Variants in IPO13 observed in about 807,000 individuals in gnomAD.
IPO13 encodes importin 13.
A neutral mutation model predicts 115.5 loss-of-function variants in IPO13; 28 were observed. The ratio of observed to expected loss-of-function variants is 0.24; its 90% CI spans 0.18 to 0.33. IPO13 has a LOEUF of 0.33. Ranked by LOEUF, IPO13 falls within the 10% of genes least tolerant of loss-of-function variation. IPO13 has a pLI of 1.00. For missense variants in IPO13, 785 were observed against 1,204.6 expected, an observed-to-expected ratio of 0.65 and a Z score of 5.16; for synonymous variants, 414 against 478.9, an observed-to-expected ratio of 0.86 and a Z score of 1.77.
In IPO13 at chr1:43,949,626, T is replaced by A; in HGVS notation, c.294T>A (p.Tyr98Ter). The A allele has an allele frequency of 6.2e-7, 1 of 1,614,220 alleles. No homozygotes were observed. The highest frequency in any genetic ancestry group is 8.5e-7 in the Non-Finnish European group (1 of 1,180,046). ...GGAGTGACATCCCCACTGACCAGTA[T>A]GAAAGCCTAAAGGCACAGCTCTTCA... ...RYWSDIPTDQYESLKAQLFTQ... is the reference protein window; with the variant it reads ...RYWSDIPTDQ The change falls in exon 2 of 20, where the codon TAT becomes TAA. Residue 98 changes from tyrosine to a stop codon, truncating the protein, a stop_gained. Coordinates refer to ENST00000372343, the MANE Select transcript of IPO13 (RefSeq NM_014652.4). LOFTEE classifies it high-confidence loss of function.
chr1:43,947,098 A>G lies in IPO13; in HGVS notation c.-503A>G, dbSNP rs2154301969. 2 of 398,918 alleles carry G rather than the reference A, an allele frequency of 5.0e-6. No homozygotes were observed. The highest frequency in any genetic ancestry group is 3.6e-5 in the East Asian group (1 of 28,076). 24.7% of individuals were successfully genotyped at this position (398,918 alleles called of 1,614,324 possible). ...CTTCGCCCTAGACTAGCGGAGCTGCATCTCCGCGCTTCGTTGGACGCCTCC... is the reference window on the plus strand; with the variant it reads ...CTTCGCCCTAGACTAGCGGAGCTGCGTCTCCGCGCTTCGTTGGACGCCTCC... On this transcript the variant is annotated 5_prime_UTR_variant, in exon 1 of 20. Transcript: ENST00000372343.
Position 43,966,401 on chromosome 1 carries a change from T to C in IPO13, c.2398-174T>C. ...GTACATAGCATCCCTTGAGCTGTCCTCACCTGACCTACTGAACTCTGAGGT... is the reference window on the plus strand; with the variant it reads ...GTACATAGCATCCCTTGAGCTGTCCCCACCTGACCTACTGAACTCTGAGGT... On this transcript the variant is annotated intron_variant, in intron 15 of 19. Transcript: ENST00000372343. The surrounding 1 kb of genome is among the most constrained non-coding windows in gnomAD (Gnocchi z 4.1). 2 of 666,948 alleles carry C rather than the reference T, an allele frequency of 3.0e-6. No homozygotes were observed. Among genetic ancestry groups the C allele is most frequent in the East Asian group, 2.7e-5 (1 of 36,996 alleles). The allele number at this position is 666,948 out of a possible 1,614,324, so 41.3% of individuals were successfully genotyped here.
chr1:43,950,983 T>C (rs958035231), intron 2 of IPO13, among the ~76,000 whole-genome samples: 2 of 151,990 alleles, frequency 1.3e-5, no homozygotes, highest in Admixed American at 6.5e-5. Context: ...GCTCGGCACA[T>C]GGTAGCATTT....
chr1:43,957,446 C>T lies in IPO13; in HGVS notation c.1437C>T (p.Thr479=), dbSNP rs756071679. ...ACGGCTTCCAATCCATCGCAGAGAC[C>T]ATTGACGTCAACTATTCTGATGTGG... ...LLYGFQSIAE[T]IDVNYSDVVP... Residue 479 remains threonine (T), a synonymous_variant, in exon 7 of 20, where the codon ACC becomes ACT. Coordinates refer to ENST00000372343, the MANE Select transcript of IPO13 (RefSeq NM_014652.4). The T allele has an allele frequency of 8.7e-6, 14 of 1,614,098 alleles. No homozygotes were observed. In the East Asian group the frequency reaches 1.8e-4, roughly 21 times the overall value.
chr1:43,959,436 T>C (rs74661156), intron 11 of IPO13, among the ~76,000 whole-genome samples: 1 of 152,360 alleles, frequency 6.6e-6, no homozygotes, highest in East Asian at 1.9e-4. Flanking sequence ...TACAAGCTGC[T>C]TGATCTGGGG....
chr1:43,947,591 G>A lies in IPO13; in HGVS notation c.-10G>A, dbSNP rs1171555955. Reference sequence around the variant, plus strand: ...TCAGGGCCCACCTCCCTGCCAGGGAGGGAGCAAAGATGGAGCGGCGGGAGG... The same window carrying A: ...TCAGGGCCCACCTCCCTGCCAGGGAAGGAGCAAAGATGGAGCGGCGGGAGG... On this transcript the variant is annotated 5_prime_UTR_variant, in exon 1 of 20. Coordinates refer to ENST00000372343, the MANE Select transcript of IPO13 (RefSeq NM_014652.4). 1.0e-5 allele frequency: 13 copies of A among 1,300,606 alleles called. No homozygotes were observed. Among genetic ancestry groups the A allele is most frequent in the Non-Finnish European group, 9.9e-7 (1 of 1,014,528 alleles). 80.6% of individuals were successfully genotyped at this position (1,300,606 alleles called of 1,614,324 possible).
Position 43,947,652 on chromosome 1 carries a change from G to C in IPO13, c.52G>C (p.Ala18Pro), listed in dbSNP as rs2085176863. Residue 18 changes from alanine to proline, a missense_variant, in exon 1 of 20, where the codon GCC (alanine) becomes CCC (proline). Physicochemically the swap from Ala to Pro is conservative, Grantham distance 27. This residue lies in a region of IPO13 where 325 missense variants were observed against 449.8 expected (regional missense o/e 0.72). Coordinates refer to ENST00000372343, the MANE Select transcript of IPO13 (RefSeq NM_014652.4). The stretch of plus-strand genomic sequence containing the variant: ...GGCTGCAGGGGCTGGAGCAGCACCA[G>C]CCTTGGACTTCACTGTGGAGAACGT... ...PGAAGAGAAPALDFTVENVEK... is the reference protein window; with the variant it reads ...PGAAGAGAAPPLDFTVENVEK... 1 of 1,334,308 alleles carries C rather than the reference G, an allele frequency of 7.5e-7. No individual in the cohort carries two copies. Among genetic ancestry groups the C allele is most frequent in the African/African-American group, 1.5e-5 (1 of 65,612 alleles). 82.7% of individuals were successfully genotyped at this position (1,334,308 alleles called of 1,614,324 possible). A position where few individuals can be genotyped will look rare whatever the true frequency, so the allele number is the denominator to read the frequency against.
rs1254937312 is a variant in IPO13, at chr1:43,958,728, G to A, written c.1885-18G>A. 3.1e-6 allele frequency: 5 copies of A among 1,613,906 alleles called. No individual in the cohort carries two copies. The highest frequency in any genetic ancestry group is 4.2e-6 in the Non-Finnish European group (5 of 1,179,952). Reference sequence around the variant, plus strand: ...CTGGGGCTGGGAGATCTGGAGCTTGGTTTGCTTCTCCCTGCAGCCCAATCC... The same window carrying A: ...CTGGGGCTGGGAGATCTGGAGCTTGATTTGCTTCTCCCTGCAGCCCAATCC... On this transcript the variant is annotated intron_variant, in intron 10 of 19. Transcript: ENST00000372343. This position sits in a 1 kb window ranked among gnomAD's most constrained non-coding sequence, Gnocchi z 6.3.
In IPO13 at chr1:43,956,655, A is replaced by G. The variant is rs1344709213; in HGVS notation, c.1058A>G (p.Asn353Ser). The change falls in exon 4 of 20, where the codon AAT becomes AGT. Residue 353 changes from asparagine to serine, a missense_variant. Physicochemically the swap from Asn to Ser is conservative, Grantham distance 46. This residue lies in a region of IPO13 where 325 missense variants were observed against 449.8 expected (regional missense o/e 0.72). Transcript: ENST00000372343. This position sits in a 1 kb window ranked among gnomAD's most constrained non-coding sequence, Gnocchi z 4.7. ...GGCATCCCTGGCCACTATCCTGTCAATGAGACCACCAGCTCCCTAACCCTC... is the reference window on the plus strand; with the variant it reads ...GGCATCCCTGGCCACTATCCTGTCAGTGAGACCACCAGCTCCCTAACCCTC... Reference protein sequence around the residue: ...CTGIPGHYPVNETTSSLTLTF... With the variant: ...CTGIPGHYPVSETTSSLTLTF... 6.2e-7 allele frequency: 1 copy of G among 1,614,176 alleles called. No homozygotes were observed. The highest frequency in any genetic ancestry group is 8.5e-7 in the Non-Finnish European group (1 of 1,180,024).
rs1364902770 is a variant in IPO13, at chr1:43,967,651, T to C, written c.2861T>C (p.Leu954Pro). Residue 954 changes from leucine (L) to proline (P), a missense_variant, in exon 20 of 20, where the codon CTC (leucine) becomes CCC (proline). By Grantham distance (98) the Leu-to-Pro change is moderately conservative. Coordinates refer to ENST00000372343, the MANE Select transcript of IPO13 (RefSeq NM_014652.4). This position sits in a 1 kb window ranked among gnomAD's most constrained non-coding sequence, Gnocchi z 6.1. The part of the protein sequence containing the change: ...VKEFTLLCRG[L>P]HGTDYTADY Reference sequence around the variant, plus strand: ...GAGTTCACACTGCTGTGCCGGGGTCTCCATGGCACAGATTACACAGCTGAC... The same window carrying C: ...GAGTTCACACTGCTGTGCCGGGGTCCCCATGGCACAGATTACACAGCTGAC... 1 of 1,614,130 alleles carries C rather than the reference T, an allele frequency of 6.2e-7. No homozygotes were observed.
chr1:43,964,396 C>T, intron 15 of IPO13, 75 bp downstream of exon 15: 1 of 1,267,918 alleles, frequency 7.9e-7, no homozygotes, highest in Middle Eastern at 2.1e-4. Flanking sequence ...TCAATTTAAG[C>T]CTATTTTTAG....
intron 14 of IPO13, among the ~76,000 whole-genome samples, chr1:43,962,514 C>A (rs541155805): frequency 3.3e-5 from 5 of 152,210 alleles, no homozygotes; most frequent in Admixed American, 6.5e-5. Flanking sequence ...CATTCCCACC[C>A]ACATGACAAG....
At position 43,949,664 on chromosome 1, in the gene IPO13, G is replaced by A. The variant is rs772319600; in HGVS notation, c.332G>A (p.Arg111His). The change falls in exon 2 of 20, where the codon CGC becomes CAC. Residue 111 changes from arginine (R) to histidine (H), a missense_variant. Arg to His is a conservative substitution (Grantham distance 29). Around this residue, in one of 3 missense-constraint regions of IPO13, gnomAD observed 325 missense variants for 449.8 expected, o/e 0.72. Transcript: ENST00000372343. Reference sequence around the variant, plus strand: ...GCACAGCTCTTCACCCAGATCACCCGCTTTGCCAGTGGCTCCAAGATTGTA... The same window carrying A: ...GCACAGCTCTTCACCCAGATCACCCACTTTGCCAGTGGCTCCAAGATTGTA... Reference protein sequence around the residue: ...LKAQLFTQITRFASGSKIVLT... With the variant: ...LKAQLFTQITHFASGSKIVLT... 49 of 1,614,120 alleles carry A rather than the reference G, an allele frequency of 3.0e-5. No homozygotes were observed. The highest frequency in any genetic ancestry group is 2.1e-4 in the South Asian group (19 of 91,092).
At chr1:43,957,572 G>T (rs1194859792) in intron 7 of IPO13, 23 bp downstream of exon 7, 1 of 1,613,198 alleles carries the variant, frequency 6.2e-7, no homozygotes. Context: ...ACACACCCAT[G>T]ACCATATTCC....
At position 43,947,455 on chromosome 1, in the gene IPO13, G is replaced by A. The variant is rs2085174881; in HGVS notation, c.-146G>A. 5 of 418,828 alleles carry A rather than the reference G, an allele frequency of 1.2e-5. No homozygotes were observed. In the East Asian group the frequency reaches 1.8e-4, roughly 15 times the overall value. 25.9% of individuals were successfully genotyped at this position (418,828 alleles called of 1,614,324 possible). A position where few individuals can be genotyped will look rare whatever the true frequency, so the allele number is the denominator to read the frequency against. On this transcript the variant is annotated 5_prime_UTR_variant, in exon 1 of 20. Transcript: ENST00000372343. ...TCCCACCCCCAAACGAGGTGGGGAG[G>A]CCTCGGCAGCCATGCCCGCCCTGGG...
rs899464912 is a variant in IPO13, at chr1:43,947,225, A to G, written c.-376A>G. Reference sequence around the variant, plus strand: ...GGCGGGGGTGTTGTGGGTACAGGCCATCGACCCTGTGACCCCTCAAGAGCC... The same window carrying G: ...GGCGGGGGTGTTGTGGGTACAGGCCGTCGACCCTGTGACCCCTCAAGAGCC... On this transcript the variant is annotated 5_prime_UTR_variant, in exon 1 of 20. Transcript: ENST00000372343. 1 of 399,030 alleles carries G rather than the reference A, an allele frequency of 2.5e-6. No homozygotes were observed. The highest frequency in any genetic ancestry group is 4.4e-6 in the Non-Finnish European group (1 of 226,382). The allele number at this position is 399,030 out of a possible 1,614,324, so 24.7% of individuals were successfully genotyped here.
Position 43,956,324 on chromosome 1 carries a change from G to A in IPO13, c.826G>A (p.Val276Met), listed in dbSNP as rs374570719. Residue 276 changes from valine to methionine, a missense_variant, in exon 3 of 20, where the codon GTG becomes ATG. This residue lies in a region of IPO13 where 325 missense variants were observed against 449.8 expected (regional missense o/e 0.72). Transcript: ENST00000372343. This position sits in a 1 kb window ranked among gnomAD's most constrained non-coding sequence, Gnocchi z 4.7. Reference sequence around the variant, plus strand: ...TTTCTCACCTCATGCCTCTAGGTACGTGAACACACTCCTGAAACTCATCCC... The same window carrying A: ...TTTCTCACCTCATGCCTCTAGGTACATGAACACACTCCTGAAACTCATCCC... ...AISQPDAQRY[V>M]NTLLKLIPLV... 40 of 1,614,038 alleles carry A rather than the reference G, an allele frequency of 2.5e-5. No homozygotes were observed. In the African/African-American group the frequency reaches 4.3e-4, roughly 17 times the overall value.
intron 5 of IPO13, 80 bp from the exon 6 acceptor site, chr1:43,957,115 C>G: frequency 6.3e-7 from 1 of 1,576,826 alleles, no homozygotes; most frequent in Non-Finnish European, 8.6e-7. Flanking sequence ...TGTGGGGGTA[C>G]TGGGGTAGGC....
rs367545199 is a variant in IPO13, at chr1:43,949,940, C to T, written c.608C>T (p.Pro203Leu). 2.0e-4 allele frequency: 315 copies of T among 1,609,418 alleles called. No homozygotes were observed. The highest frequency in any genetic ancestry group is 2.6e-4 in the Non-Finnish European group (307 of 1,179,366). Residue 203 changes from proline to leucine, a missense_variant, in exon 2 of 20, where the codon CCG becomes CTG. By Grantham distance (98) the Pro-to-Leu change is moderately conservative (BLOSUM62 -3). Transcript: ENST00000372343. Reference sequence around the variant, plus strand: ...GCGGTGGAATGTGGGGCTGTCTTCCCGCTGCTGGAGCAGCTGCTACAGCAG... The same window carrying T: ...GCGGTGGAATGTGGGGCTGTCTTCCTGCTGCTGGAGCAGCTGCTACAGCAG... Reference protein sequence around the residue: ...SLAVECGAVFPLLEQLLQQPS... With the variant: ...SLAVECGAVFLLLEQLLQQPS...
Sources: allele counts gnomAD v4.1 joint callset (sites outside exome capture counted in the v4.1 genomes callset), GRCh38; gene constraint gnomAD v4.1.1; regional missense constraint gnomAD v4.1.1; non-coding constraint Gnocchi (gnomAD v3.1); transcripts MANE v1.5; gene names NCBI Gene and HGNC (gene_info 2026-07-23, HGNC 2026-07-21).